Variants in FAM13C observed in about 807,000 individuals in gnomAD.
FAM13C encodes the protein protein FAM13C.
FAM13C carries 37 observed loss-of-function variants against 73.2 expected under a neutral mutation model. The observed-to-expected ratio is 0.51, with a 90% CI of 0.39 to 0.67. FAM13C has a LOEUF of 0.67. Ranked by LOEUF, FAM13C falls within the 30% of genes least tolerant of loss-of-function variation. The probability of loss-of-function intolerance (pLI) is 0.00; values close to 1 mark genes in which losing one functional copy is unlikely to be tolerated. For missense variants in FAM13C, 589 were observed against 715.6 expected (o/e 0.82, Z 2.02); for synonymous variants, 246 against 260.9 (o/e 0.94, Z 0.55).
chr10:59,287,806 A>G (rs890997916), intron 5 of FAM13C, among the ~76,000 whole-genome samples: 2 of 152,254 alleles, frequency 1.3e-5, no homozygotes, highest in Non-Finnish European at 2.9e-5. Flanking sequence ...TTCTGTGTTT[A>G]GTATGACTAT....
At chr10:59,250,091 A>T (rs952658991) in intron 13 of FAM13C, among the ~76,000 whole-genome samples, 1 of 152,248 alleles carries the variant, frequency 6.6e-6, no homozygotes. Flanking sequence ...ATGACTGTTT[A>T]GATTTAGAAT....
In FAM13C at chr10:59,350,605, A is replaced by T. The variant is rs562359938; in HGVS notation, c.324+1665T>A. ...TTCACACTCACTTCGCTGCAACAAG[A>T]GTTACACTCTGTTTAAGATCATCAC... On this transcript the variant is annotated intron_variant, in intron 3 of 13. Coordinates refer to ENST00000618804, the MANE Select transcript of FAM13C (RefSeq NM_198215.4). Among the ~76,000 whole-genome samples, 5 of 152,334 alleles carry T rather than the reference A, an allele frequency of 3.3e-5. No individual in the cohort carries two copies. The South Asian group carries it at 1.0e-3, about 32-fold the overall frequency.
intron 11 of FAM13C, among the ~76,000 whole-genome samples, 172 bp from the exon 12 acceptor site, chr10:59,253,170 T>C (rs1841577352): frequency 6.6e-6 from 1 of 152,202 alleles, no homozygotes; most frequent in Non-Finnish European, 1.5e-5. Context: ...CGCAGTTTCA[T>C]TAAAAACCTA....
intron 4 of FAM13C, among the ~76,000 whole-genome samples, chr10:59,308,535 T>C (rs1387106602): frequency 5.7e-5 from 2 of 35,398 alleles, no homozygotes; most frequent in Admixed American, 4.2e-4. Flanking sequence ...ACCCCCATCA[T>C]CACCCCCACC....
intron 5 of FAM13C, among the ~76,000 whole-genome samples, chr10:59,290,391 T>C (rs1846081481): frequency 6.6e-6 from 1 of 152,180 alleles, no homozygotes. Context: ...GCAAATCAAG[T>C]TGGAAATCTG....
At chr10:59,348,785 A>G (rs528673025) in intron 3 of FAM13C, among the ~76,000 whole-genome samples, 53 of 152,192 alleles carry the variant, frequency 3.5e-4, no homozygotes, top group African/African-American at 1.3e-3. Context: ...ATAGGCGTGC[A>G]CTACCATGCC....
At position 59,286,516 on chromosome 10, in the gene FAM13C, A is replaced by AATATATATATATATATATATAT. The variant is rs1159774665; in HGVS notation, c.508-3091_508-3070dup. On this transcript the variant is annotated intron_variant, in intron 5 of 13. Coordinates refer to ENST00000618804, the MANE Select transcript of FAM13C (RefSeq NM_198215.4). ...GGCAACAGAGCAAGACTCCATCTCA[A>AATATATATATATATATATATAT]ATATATATATATATATATATATATA... Among the ~76,000 whole-genome samples the AATATATATATATATATATATAT allele has an allele frequency of 3.1e-3, 344 of 110,838 alleles. 1 individual carries two copies. The highest frequency in any genetic ancestry group is 7.5e-3 in the African/African-American group (218 of 29,250). The allele number at this position is 110,838 out of a possible 152,430, so 72.7% of individuals were successfully genotyped here. A position where few individuals can be genotyped will look rare whatever the true frequency, so the allele number is the denominator to read the frequency against.
At chr10:59,267,014 TA>T (rs1417490624) in intron 8 of FAM13C, among the ~76,000 whole-genome samples, 2 of 152,200 alleles carry the variant, frequency 1.3e-5, no homozygotes, top group African/African-American at 2.4e-5. Context: ...AGTCGCTACC[TA>T]ATACTCCATT....
At chr10:59,267,392 T>A (rs964303622) in intron 8 of FAM13C, among the ~76,000 whole-genome samples, 1 of 152,180 alleles carries the variant, frequency 6.6e-6, no homozygotes, top group African/African-American at 2.4e-5. Flanking sequence ...GTCATTTCCA[T>A]CAGGTGTCAG....
chr10:59,360,854 A>AC (rs2132237436), intron 1 of FAM13C, among the ~76,000 whole-genome samples: 1 of 63,624 alleles, frequency 1.6e-5, no homozygotes, highest in Non-Finnish European at 2.6e-5. Flanking sequence ...ACCTCTACAG[A>AC]AAAAAAAAAA....
rs2133322723 is a variant in FAM13C at position 59,246,779 on chromosome 10, A to G, written c.*835T>C. On this transcript the variant is annotated 3_prime_UTR_variant, in exon 14 of 14. Transcript: ENST00000618804. ...TTAAGAAAAATGTATATTCCCAATG[A>G]AAAAATAGTTATATCATCTTATAGT... 4 of 394,714 alleles carry G rather than the reference A, an allele frequency of 1.0e-5. No individual in the cohort carries two copies. The highest frequency in any genetic ancestry group is 1.8e-5 in the Non-Finnish European group (4 of 223,560). The allele number at this position is 394,714 out of a possible 1,614,324, so 24.5% of individuals were successfully genotyped here.
intron 8 of FAM13C, among the ~76,000 whole-genome samples, chr10:59,264,759 C>T (rs760634093): frequency 3.3e-5 from 5 of 152,066 alleles, no homozygotes; most frequent in Admixed American, 6.6e-5. Context: ...GGGGGATACA[C>T]GGATTTCTAA....
chr10:59,347,203 T>G (rs1030049341), intron 3 of FAM13C, among the ~76,000 whole-genome samples: 2 of 152,226 alleles, frequency 1.3e-5, no homozygotes, highest in African/African-American at 4.8e-5. Flanking sequence ...TTCCTGGTAT[T>G]CTGTTCTATC....
chr10:59,276,974 TC>T (rs1260515695), intron 6 of FAM13C, among the ~76,000 whole-genome samples: 1 of 152,212 alleles, frequency 6.6e-6, no homozygotes, highest in East Asian at 1.9e-4. Flanking sequence ...ATTCTGCATT[TC>T]AGAAATGGCA....
Position 59,269,884 on chromosome 10 carries a change from A to G in FAM13C, c.803+15T>C. ...ACTGTATGAAATGAAGACAATAACA[A>G]AACAGTTTTCTCACATCATAAACTG... On this transcript the variant is annotated intron_variant, in intron 7 of 13. Transcript: ENST00000618804. 1 of 1,613,146 alleles carries G rather than the reference A, an allele frequency of 6.2e-7. No individual in the cohort carries two copies. Among genetic ancestry groups the G allele is most frequent in the Non-Finnish European group, 8.5e-7 (1 of 1,179,448 alleles).
intron 10 of FAM13C, among the ~76,000 whole-genome samples, chr10:59,261,342 A>G (rs936536601): frequency 1.2e-4 from 19 of 152,262 alleles, no homozygotes; most frequent in African/African-American, 4.3e-4. Context: ...CTTGTAGATC[A>G]CAAGTCCTTA....
At chr10:59,305,569 A>G (rs1357457781) in intron 4 of FAM13C, among the ~76,000 whole-genome samples, 1 of 152,240 alleles carries the variant, frequency 6.6e-6, no homozygotes, top group Non-Finnish European at 1.5e-5. Flanking sequence ...TCTAAATGTC[A>G]TAATGCACAT....
At chr10:59,276,185 T>C (rs1308263036) in intron 6 of FAM13C, among the ~76,000 whole-genome samples, 2 of 152,216 alleles carry the variant, frequency 1.3e-5, no homozygotes, top group Non-Finnish European at 2.9e-5. Context: ...AAATACCTTT[T>C]GCTTAGGAGA....
intron 6 of FAM13C, among the ~76,000 whole-genome samples, chr10:59,280,168 A>G (rs1341932956): frequency 2.0e-5 from 3 of 152,206 alleles, no homozygotes; most frequent in Admixed American, 2.0e-4. Context: ...AGGGTGACCA[A>G]CTGTCCTGGA....
Sources: allele counts gnomAD v4.1 joint callset (sites outside exome capture counted in the v4.1 genomes callset), GRCh38; gene constraint gnomAD v4.1.1; transcripts MANE v1.5; gene names NCBI Gene and HGNC (gene_info 2026-07-23, HGNC 2026-07-21).